The following NBEAL2 variants were observed in gnomAD, a reference collection of about 807,000 sequenced individuals.
NBEAL2 encodes the protein neurobeachin-like protein 2.
In NBEAL2, 160 loss-of-function variants were observed where a neutral mutation model predicts 299.8. That is an observed-to-expected ratio of 0.53 (90% CI 0.47 to 0.61). The LOEUF (loss-of-function observed/expected upper bound fraction) is 0.61, where lower values mean the gene tolerates loss of function less well. Among genes scored for constraint, NBEAL2 ranks in the 20% least tolerant of loss-of-function variants. The probability of loss-of-function intolerance (pLI) is 0.00; values close to 1 mark genes in which losing one functional copy is unlikely to be tolerated. For missense variants in NBEAL2, 3,112 were observed against 3,649.0 expected, an observed-to-expected ratio of 0.85 and a Z score of 3.79; for synonymous variants, 1,493 against 1,542.3, an observed-to-expected ratio of 0.97 and a Z score of 0.75.
At position 46,996,564 on chromosome 3, in the gene NBEAL2, G is replaced by A. The variant is rs116456978; in HGVS notation, c.2445G>A (p.Ala815=). 0.025 allele frequency: 37,959 copies of A among 1,537,926 alleles called. 567 individuals carry two copies. The highest frequency in any genetic ancestry group is 0.028 in the Non-Finnish European group (32,411 of 1,139,552). The stretch of plus-strand genomic sequence containing the variant: ...CCATCTTTCACGAAGCCCTGCAGGC[G>A]ACGGCTCTGAGGACCCTGTGCACCC... ...AVAIFHEALQ[A]TALRTLCTLG... The change falls in exon 16 of 54, where the codon GCG becomes GCA. Residue 815 remains alanine, a synonymous_variant. Transcript: ENST00000450053.
chr3:46,992,929 C>A (rs1429914727), intron 10 of NBEAL2, among the ~76,000 whole-genome samples: 2 of 152,180 alleles, frequency 1.3e-5, no homozygotes, highest in Non-Finnish European at 2.9e-5. Context: ...TCTGTAGATT[C>A]TTGCACCCAC....
At chr3:46,985,458 C>T (rs1175758441) in intron 1 of NBEAL2, among the ~76,000 whole-genome samples, 1 of 152,178 alleles carries the variant, frequency 6.6e-6, no homozygotes, top group Non-Finnish European at 1.5e-5. Context: ...GCCCTCAGCC[C>T]TCCAGGTTAC....
In NBEAL2 at chr3:47,009,595, G is replaced by GCTTCCAAAAACCCCGC. The variant is rs1242205902; in HGVS notation, c.*282_*283insAAACCCCGCCTTCCAA. The GCTTCCAAAAACCCCGC allele has an allele frequency of 7.6e-4, 354 of 467,964 alleles. 3 individuals carry two copies. The highest frequency in any genetic ancestry group is 5.4e-3 in the African/African-American group (263 of 48,386). The allele number at this position is 467,964 out of a possible 1,614,324, so 29.0% of individuals were successfully genotyped here. On this transcript the variant is annotated 3_prime_UTR_variant, in exon 54 of 54. Transcript: ENST00000450053. ...GCACAGTCTGGGGCGGGGTTCCCCG[G>GCTTCCAAAAACCCCGC]CTTCCAAGTCGCTGTTTCGTCAAAG...
chr3:46,998,507 A>C lies in NBEAL2; in HGVS notation c.3163A>C (p.Lys1055Gln), dbSNP rs753195048. 5.6e-6 allele frequency: 9 copies of C among 1,613,410 alleles called. No homozygotes were observed. Among genetic ancestry groups the C allele is most frequent in the Middle Eastern group, 1.6e-4 (1 of 6,062 alleles). Residue 1055 changes from lysine (K) to glutamine (Q), a missense_variant, in exon 22 of 54, where the codon AAG becomes CAG. Coordinates refer to ENST00000450053, the MANE Select transcript of NBEAL2 (RefSeq NM_015175.3). ...CAGCATAGTTCGGGAGCACAGACAG[A>C]AGCTGCGGAAGAAGTACGGCGTCCA... Reference protein sequence around the residue: ...MSSIVREHRQKLRKKYGVQFI... With the variant: ...MSSIVREHRQQLRKKYGVQFI...
In NBEAL2 at chr3:46,999,912, G is replaced by A. The variant is rs1225581866; in HGVS notation, c.3813G>A (p.Gln1271=). Residue 1271 remains glutamine (Q), a synonymous_variant, in exon 27 of 54, where the codon CAG becomes CAA. Coordinates refer to ENST00000450053, the MANE Select transcript of NBEAL2 (RefSeq NM_015175.3). ...AGCTTTTCCACCTCATCTACGGACA[G>A]CCAGATGTAGTGCGGCTTCTGGCCC... ...CRQLFHLIYG[Q]PDVVRLLARQ... The A allele has an allele frequency of 6.2e-6, 10 of 1,609,292 alleles. No individual in the cohort carries two copies. In the South Asian group the frequency reaches 9.9e-5, roughly 16 times the overall value.
In NBEAL2 at chr3:47,004,474, C is replaced by A. The variant is rs958059578; in HGVS notation, c.6199-21C>A. The A allele has an allele frequency of 6.2e-7, 1 of 1,610,938 alleles. No individual in the cohort carries two copies. The highest frequency in any genetic ancestry group is 1.3e-5 in the African/African-American group (1 of 74,864). ...GCTGGACAGCCCACCTGGCTCACAT[C>A]TTGTCTGCCCCTGTCCCCAGAAATG... On this transcript the variant is annotated intron_variant, in intron 37 of 53. Transcript: ENST00000450053. This position sits in a 1 kb window ranked among gnomAD's most constrained non-coding sequence, Gnocchi z 5.0.
At position 46,988,054 on chromosome 3, in the gene NBEAL2, CCAG is replaced by C. The variant is rs1324383369; in HGVS notation, c.52-613_52-611del. The C allele has an allele frequency of 7.9e-7, 1 of 1,267,768 alleles. No individual in the cohort carries two copies. The allele number at this position is 1,267,768 out of a possible 1,614,324, so 78.5% of individuals were successfully genotyped here. ...GCCACTGCCCCTCTTGCCCATGGAA[CCAG>C]CTCTGGGGCCTGGGGTCCAGGTAAC... On this transcript the variant is annotated intron_variant, in intron 1 of 53. Transcript: ENST00000450053. The surrounding 1 kb of genome is among the most constrained non-coding windows in gnomAD (Gnocchi z 4.4).
At position 47,001,001 on chromosome 3, in the gene NBEAL2, C is replaced by T. The variant is rs761805514; in HGVS notation, c.4306C>T (p.Gln1436Ter). 1.9e-6 allele frequency: 3 copies of T among 1,604,426 alleles called. No individual in the cohort carries two copies. The highest frequency in any genetic ancestry group is 2.6e-6 in the Non-Finnish European group (3 of 1,175,624). Residue 1436 changes from glutamine to a stop codon, truncating the protein, a stop_gained and splice_region_variant, in exon 28 of 54, where the codon CAA (glutamine) becomes TAA (stop). Transcript: ENST00000450053. LOFTEE classifies it high-confidence loss of function. The surrounding 1 kb of genome is among the most constrained non-coding windows in gnomAD (Gnocchi z 6.1). ...DDTSNTSNPQQTSEEELCNLL... is the reference protein window; with the variant it reads ...DDTSNTSNPQ ...CCACACCACCCACCTGTGCCCACAG[C>T]AAACCTCTGAGGAAGAGTTGTGCAA...
chr3:46,985,084 G>A (rs1448145214), intron 1 of NBEAL2, among the ~76,000 whole-genome samples: 1 of 152,204 alleles, frequency 6.6e-6, no homozygotes, highest in African/African-American at 2.4e-5. Flanking sequence ...TACAAAGGGT[G>A]CTGATGCCCC....
At position 47,007,357 on chromosome 3, in the gene NBEAL2, C is replaced by A; in HGVS notation, c.7334+7C>A. ...CCACCATGGGCAGCCACAAGTAGGA[C>A]AGAGGGCTGTGGGTGGGGTGGGCTA... On this transcript the variant is annotated splice_region_variant and intron_variant, in intron 47 of 53. Transcript: ENST00000450053. 1 of 1,598,252 alleles carries A rather than the reference C, an allele frequency of 6.3e-7. No homozygotes were observed. Among genetic ancestry groups the A allele is most frequent in the Non-Finnish European group, 8.5e-7 (1 of 1,172,240 alleles).
In NBEAL2 at chr3:46,991,274, C is replaced by T; in HGVS notation, c.612C>T (p.His204=). Reference sequence around the variant, plus strand: ...CCATACTGCTGTTACGTCTCATCCACCTCTTCTGCGCCGTCCTCGCTGGAG... The same window carrying T: ...CCATACTGCTGTTACGTCTCATCCATCTCTTCTGCGCCGTCCTCGCTGGAG... The part of the protein sequence containing the change: ...LPPILLLRLI[H]LFCAVLAGGK... Residue 204 remains histidine, a synonymous_variant, in exon 7 of 54, where the codon CAC becomes CAT. Coordinates refer to ENST00000450053, the MANE Select transcript of NBEAL2 (RefSeq NM_015175.3). The surrounding 1 kb of genome is among the most constrained non-coding windows in gnomAD (Gnocchi z 6.2). 1 of 1,607,072 alleles carries T rather than the reference C, an allele frequency of 6.2e-7. No individual in the cohort carries two copies. The highest frequency in any genetic ancestry group is 1.7e-4 in the Middle Eastern group (1 of 6,058).
In NBEAL2 at chr3:47,004,930, C is replaced by T. The variant is rs780255437; in HGVS notation, c.6295-42C>T. On this transcript the variant is annotated intron_variant, in intron 38 of 53. Coordinates refer to ENST00000450053, the MANE Select transcript of NBEAL2 (RefSeq NM_015175.3). The surrounding 1 kb of genome is among the most constrained non-coding windows in gnomAD (Gnocchi z 5.0). ...GGCAGGGCAGGGTGGGCTGGTAGGC[C>T]ATCAGGGCCCTCATGCAGCCCCTGC... 4 of 1,577,656 alleles carry T rather than the reference C, an allele frequency of 2.5e-6. No individual in the cohort carries two copies. The Admixed American group carries it at 7.3e-5, about 29-fold the overall frequency.
intron 20 of NBEAL2, among the ~76,000 whole-genome samples, 178 bp from the exon 21 acceptor site, chr3:46,997,889 G>A (rs564653720): frequency 3.5e-4 from 54 of 152,356 alleles, no homozygotes; most frequent in African/African-American, 1.0e-3. Context: ...GCAGGGACCC[G>A]CACAGCAGGC....
At position 46,998,465 on chromosome 3, in the gene NBEAL2, C is replaced by A. The variant is rs1389398834; in HGVS notation, c.3121C>A (p.His1041Asn). 1 of 1,612,192 alleles carries A rather than the reference C, an allele frequency of 6.2e-7. No individual in the cohort carries two copies. ...TLSDFAVRLG[H>N]IQYMSSIVRE... ...GCCCTCTGCTCATTCCCGCTCAGGTCACATCCAGTACATGTCCAGCATAGT... is the reference window on the plus strand; with the variant it reads ...GCCCTCTGCTCATTCCCGCTCAGGTAACATCCAGTACATGTCCAGCATAGT... Residue 1041 changes from histidine (H) to asparagine (N), a missense_variant and splice_region_variant, in exon 22 of 54, where the codon CAC (histidine) becomes AAC (asparagine). This residue lies in a region of NBEAL2 where 2,243 missense variants were observed against 2,538.1 expected (regional missense o/e 0.88). Transcript: ENST00000450053.
rs2035866713 is a variant in NBEAL2 at position 46,988,883 on chromosome 3, A to C, written c.182A>C (p.Asp61Ala). Residue 61 changes from aspartate to alanine, a missense_variant, in exon 3 of 54, where the codon GAT (aspartate) becomes GCT (alanine). Asp to Ala is a moderately radical substitution (Grantham distance 126). This residue lies in a region of NBEAL2 where 2,243 missense variants were observed against 2,538.1 expected (regional missense o/e 0.88). Coordinates refer to ENST00000450053, the MANE Select transcript of NBEAL2 (RefSeq NM_015175.3). The surrounding 1 kb of genome is among the most constrained non-coding windows in gnomAD (Gnocchi z 4.4). ...AGAEVPLLPL[D>A]ELHVLAEQLH... ...GCAGAGGTCCCGCTGCTACCACTGG[A>C]TGAGCTGCATGTGCTGGCCGAACAG... 3 of 1,612,052 alleles carry C rather than the reference A, an allele frequency of 1.9e-6. No individual in the cohort carries two copies. Among genetic ancestry groups the C allele is most frequent in the Non-Finnish European group, 2.5e-6 (3 of 1,178,628 alleles).
chr3:47,009,064 C>A lies in NBEAL2; in HGVS notation c.8103C>A (p.His2701Gln). Residue 2701 changes from histidine (H) to glutamine (Q), a missense_variant, in exon 53 of 54, where the codon CAC (histidine) becomes CAA (glutamine). Physicochemically the swap from His to Gln is conservative, Grantham distance 24. Around this residue, in one of 3 missense-constraint regions of NBEAL2, gnomAD observed 348 missense variants for 381.4 expected, o/e 0.91. Transcript: ENST00000450053. The stretch of plus-strand genomic sequence containing the variant: ...TGGCCGTGACCAAGGAGCGCAGCCA[C>A]GTGCTGGTGGGCCTGGAGGATGGCA... ...RSVAVTKERS[H>Q]VLVGLEDGKL... The A allele has an allele frequency of 6.5e-7, 1 of 1,547,322 alleles. No individual in the cohort carries two copies. The highest frequency in any genetic ancestry group is 8.7e-7 in the Non-Finnish European group (1 of 1,146,560).
intron 9 of NBEAL2, 62 bp downstream of exon 9, chr3:46,992,008 A>G: frequency 7.2e-7 from 1 of 1,388,682 alleles, no homozygotes; most frequent in South Asian, 1.2e-5. Context: ...AGCCACGCAT[A>G]GGTGCCAGGC....
Position 47,000,455 on chromosome 3 carries a change from T to G in NBEAL2, c.4305+51T>G. The G allele has an allele frequency of 6.5e-7, 1 of 1,533,630 alleles. No homozygotes were observed. Among genetic ancestry groups the G allele is most frequent in the Non-Finnish European group, 8.8e-7 (1 of 1,139,870 alleles). ...TGCATGGTACCCAAGGGAGGACACT[T>G]CTGGTACACAGGGCTGGCAGTGTAG... On this transcript the variant is annotated intron_variant, in intron 27 of 53. Transcript: ENST00000450053. This position sits in a 1 kb window ranked among gnomAD's most constrained non-coding sequence, Gnocchi z 4.5.
intron 15 of NBEAL2, 23 bp from the exon 16 acceptor site, chr3:46,996,248 C>T (rs2036487905): frequency 6.2e-7 from 1 of 1,602,342 alleles, no homozygotes; most frequent in Non-Finnish European, 8.5e-7. Context: ...GACCTGACCG[C>T]TCCCCCAACC....
Sources: allele counts gnomAD v4.1 joint callset (sites outside exome capture counted in the v4.1 genomes callset), GRCh38; gene constraint gnomAD v4.1.1; regional missense constraint gnomAD v4.1.1; non-coding constraint Gnocchi (gnomAD v3.1); transcripts MANE v1.5; gene names NCBI Gene and HGNC (gene_info 2026-07-23, HGNC 2026-07-21).